The following PEAK1 variants were observed in gnomAD, a reference collection of about 807,000 sequenced individuals.
PEAK1 encodes inactive tyrosine-protein kinase PEAK1.
A neutral mutation model predicts 124.7 loss-of-function variants in PEAK1; 54 were observed. That is an observed-to-expected ratio of 0.43 (90% CI 0.35 to 0.54). The LOEUF (loss-of-function observed/expected upper bound fraction) is 0.54, where lower values mean the gene tolerates loss of function less well. Ranked by LOEUF, PEAK1 falls within the 20% of genes least tolerant of loss-of-function variation. The probability of loss-of-function intolerance (pLI) is 0.01; values close to 1 mark genes in which losing one functional copy is unlikely to be tolerated. For missense variants in PEAK1, 2,046 were observed against 2,134.5 expected (o/e 0.96, Z 0.82); for synonymous variants, 719 against 760.0 (o/e 0.95, Z 0.89).
intron 1 of PEAK1, among the ~76,000 whole-genome samples, chr15:77,405,640 G>A (rs2071757716): frequency 6.6e-6 from 1 of 152,080 alleles, no homozygotes; most frequent in Non-Finnish European, 1.5e-5. Context: ...GACGCTGAAG[G>A]CCCATAGAAG....
intron 6 of PEAK1, among the ~76,000 whole-genome samples, chr15:77,199,824 C>A (rs1460402127): frequency 6.6e-6 from 1 of 152,150 alleles, no homozygotes; most frequent in Non-Finnish European, 1.5e-5. Context: ...GTAGAAGAAG[C>A]AGTGCCAGAA....
intron 5 of PEAK1, among the ~76,000 whole-genome samples, chr15:77,267,321 G>A (rs1020011761): frequency 5.9e-5 from 9 of 152,040 alleles, no homozygotes; most frequent in Non-Finnish European, 1.2e-4. Context: ...GAGGTCTATG[G>A]TCCCAACCTT....
intron 1 of PEAK1, chr15:77,402,408 T>C: frequency 1.0e-6 from 1 of 985,376 alleles, no homozygotes; most frequent in African/African-American, 1.7e-5. Context: ...AATCAACATA[T>C]CACCCATTTA....
chr15:77,179,973 A>G lies in PEAK1; in HGVS notation c.1954T>C (p.Ser652Pro), dbSNP rs2057143892. Residue 652 changes from serine (S) to proline (P), a missense_variant, in exon 7 of 10, where the codon TCA becomes CCA. Transcript: ENST00000682557. ...ACACTTGTGGTTTTTTCCTTCACTGAGAGTTCTCCACTTGTTCCCAGAAAA... is the reference window on the plus strand; with the variant it reads ...ACACTTGTGGTTTTTTCCTTCACTGGGAGTTCTCCACTTGTTCCCAGAAAA... ...KSFLGTSGEL[S>P]VKEKTTSVIS... is the part of the protein sequence containing the mutation. The G allele has an allele frequency of 1.2e-6, 2 of 1,614,054 alleles. No individual in the cohort carries two copies. Among genetic ancestry groups the G allele is most frequent in the African/African-American group, 1.3e-5 (1 of 75,018 alleles).
chr15:77,292,497 A>G (rs1035406301), intron 2 of PEAK1, among the ~76,000 whole-genome samples: 14 of 152,296 alleles, frequency 9.2e-5, no homozygotes, highest in African/African-American at 3.4e-4. Context: ...TACCAAAAAA[A>G]AAAAGCACAG....
intron 2 of PEAK1, among the ~76,000 whole-genome samples, chr15:77,297,933 C>T (rs928347681): frequency 6.7e-6 from 1 of 149,898 alleles, no homozygotes; most frequent in African/African-American, 2.5e-5. Flanking sequence ...TGGCGGGCGC[C>T]TGTAGTCCCA....
chr15:77,181,286 C>A lies in PEAK1; in HGVS notation c.641G>T (p.Ser214Ile), dbSNP rs1486492616. ...CCCTTCATTACTAATCACTTCTGTG[C>A]TCCCACTCAGAATAACATGCTTGCC... Reference protein sequence around the residue: ...TQGKHVILSGSTEVISNEGGR... With the variant: ...TQGKHVILSGITEVISNEGGR... The change falls in exon 7 of 10, where the codon AGC becomes ATC. Residue 214 changes from serine (S) to isoleucine (I), a missense_variant. By Grantham distance (142) the Ser-to-Ile change is moderately radical. Transcript: ENST00000682557. 1.9e-6 allele frequency: 3 copies of A among 1,614,066 alleles called. No homozygotes were observed.
rs906008849 is a variant in PEAK1 at position 77,300,385 on chromosome 15, T to C, written c.-602-13881A>G. On this transcript the variant is annotated intron_variant, in intron 2 of 9. Transcript: ENST00000682557. The stretch of plus-strand genomic sequence containing the variant: ...GATAATTGCCAAAGTAAGAAAACTC[T>C]TGCTTTTGAGGGGTGGAATATTCTG... 2.6e-5 allele frequency among the ~76,000 whole-genome samples: 4 copies of C among 152,318 alleles called. No homozygotes were observed. The East Asian group carries it at 7.7e-4, about 29-fold the overall frequency.
intron 1 of PEAK1, among the ~76,000 whole-genome samples, chr15:77,409,437 G>C (rs1304092658): frequency 6.6e-6 from 1 of 152,192 alleles, no homozygotes; most frequent in Admixed American, 6.5e-5. Context: ...AAGTGGTAAA[G>C]ATGAGATTCA....
intron 6 of PEAK1, among the ~76,000 whole-genome samples, chr15:77,193,338 T>G (rs2057938126): frequency 6.6e-6 from 1 of 152,162 alleles, no homozygotes; most frequent in Non-Finnish European, 1.5e-5. Flanking sequence ...TCAGCTTAAA[T>G]TAGTTTTATT....
In PEAK1 at chr15:77,355,773, G is replaced by C. The variant is rs903367825; in HGVS notation, c.-603+9390C>G. ...CGTAAATCAGGTCTAAGAAGGCTGA[G>C]AAAAAGTTTACCTCGATTCCAATTC... On this transcript the variant is annotated intron_variant, in intron 2 of 9. Coordinates refer to ENST00000682557, the MANE Select transcript of PEAK1 (RefSeq NM_001385026.1). 5 of 985,200 alleles carry C rather than the reference G, an allele frequency of 5.1e-6. No homozygotes were observed. In the African/African-American group the frequency reaches 7.0e-5, roughly 14 times the overall value. 61.0% of individuals were successfully genotyped at this position (985,200 alleles called of 1,614,324 possible).
intron 1 of PEAK1, among the ~76,000 whole-genome samples, chr15:77,378,928 A>G (rs776048217): frequency 3.6e-4 from 55 of 152,326 alleles, no homozygotes; most frequent in Non-Finnish European, 6.6e-4. Context: ...TGTAAGTCCG[A>G]GGATTTTGCT....
At chr15:77,385,205 G>A (rs759433199) in intron 1 of PEAK1, among the ~76,000 whole-genome samples, 20 of 152,096 alleles carry the variant, frequency 1.3e-4, no homozygotes, top group Non-Finnish European at 2.8e-4. Context: ...TCATAAGGAA[G>A]TTGAGTAATG....
At chr15:77,188,064 G>C (rs932489675) in intron 6 of PEAK1, among the ~76,000 whole-genome samples, 1 of 152,060 alleles carries the variant, frequency 6.6e-6, no homozygotes, top group Non-Finnish European at 1.5e-5. Context: ...AAGAAGTTTT[G>C]CAGAAGATAA....
At chr15:77,265,581 G>A (rs1025703761) in intron 5 of PEAK1, among the ~76,000 whole-genome samples, 3 of 152,146 alleles carry the variant, frequency 2.0e-5, no homozygotes, top group Non-Finnish European at 4.4e-5. Context: ...AGTTAGAATG[G>A]CGATCATTAA....
intron 6 of PEAK1, among the ~76,000 whole-genome samples, chr15:77,250,249 A>ACACATATATATGTATATG (rs1366035709): frequency 1.9e-4 from 14 of 72,358 alleles, no homozygotes; most frequent in South Asian, 6.9e-4. Context: ...GTATATATAT[A>ACACATATATATGTATATG]TATATATATT....
chr15:77,276,505 G>T (rs957649854), intron 5 of PEAK1, among the ~76,000 whole-genome samples: 3 of 151,796 alleles, frequency 2.0e-5, no homozygotes, highest in African/African-American at 7.3e-5. Context: ...ATATCCTGCA[G>T]AAATGAAGAA....
chr15:77,151,624 T>C (rs1176612899), intron 8 of PEAK1, among the ~76,000 whole-genome samples: 1 of 152,202 alleles, frequency 6.6e-6, no homozygotes, highest in African/African-American at 2.4e-5. Context: ...GGTTTTCTTC[T>C]AGGGTTTTTA....
intron 2 of PEAK1, chr15:77,337,430 T>G: frequency 1.0e-6 from 1 of 965,012 alleles, no homozygotes. Context: ...AACTAAGAAT[T>G]TGATGATTTC....
Sources: allele counts gnomAD v4.1 joint callset (sites outside exome capture counted in the v4.1 genomes callset), GRCh38; gene constraint gnomAD v4.1.1; transcripts MANE v1.5; gene names NCBI Gene and HGNC (gene_info 2026-07-23, HGNC 2026-07-21).